Variants in ROBO1 observed in about 807,000 individuals in gnomAD.
ROBO1 encodes the protein roundabout homolog 1.
A neutral mutation model predicts 195.9 loss-of-function variants in ROBO1; 149 were observed. The observed-to-expected ratio is 0.76, with a 90% CI of 0.67 to 0.87. The LOEUF (loss-of-function observed/expected upper bound fraction) is 0.87, where lower values mean the gene tolerates loss of function less well. Ranked by LOEUF, ROBO1 falls within the 40% of genes least tolerant of loss-of-function variation. The probability of loss-of-function intolerance (pLI) is 0.00; values close to 1 mark genes in which losing one functional copy is unlikely to be tolerated. For synonymous variants in ROBO1, 816 were observed against 733.2 expected, an observed-to-expected ratio of 1.11 and a Z score of -1.82; for missense variants, 1,933 against 2,068.3, an observed-to-expected ratio of 0.93 and a Z score of 1.27.
intron 18 of ROBO1, 135 bp from the exon 19 acceptor site, chr3:78,652,064 C>G: frequency 1.4e-6 from 1 of 698,220 alleles, no homozygotes; most frequent in Non-Finnish European, 2.4e-6. Flanking sequence ...TCACCATCAT[C>G]AAATAAAATA....
At chr3:78,740,470 C>A (rs1364408378) in intron 5 of ROBO1, among the ~76,000 whole-genome samples, 1 of 147,504 alleles carries the variant, frequency 6.8e-6, no homozygotes, top group African/African-American at 2.5e-5. Flanking sequence ...TTCTTTCTTT[C>A]TTTCTTTCTT....
chr3:78,994,673 A>G (rs1222930580), intron 3 of ROBO1, among the ~76,000 whole-genome samples: 3 of 152,158 alleles, frequency 2.0e-5, no homozygotes, highest in Admixed American at 1.3e-4. Flanking sequence ...CTCTGTACTC[A>G]TAATGGAAAG....
chr3:78,754,503 T>C (rs1024152044), intron 4 of ROBO1, among the ~76,000 whole-genome samples: 3 of 152,218 alleles, frequency 2.0e-5, no homozygotes, highest in Non-Finnish European at 4.4e-5. Context: ...TGCCTGGCTC[T>C]TTGTATCTGA....
chr3:78,973,787 G>A (rs778236915), intron 3 of ROBO1, among the ~76,000 whole-genome samples: 7 of 151,342 alleles, frequency 4.6e-5, no homozygotes, highest in South Asian at 2.1e-4. Context: ...CATAAATATC[G>A]CATATTTATC....
At chr3:79,432,509 T>C (rs1256631821) in intron 2 of ROBO1, among the ~76,000 whole-genome samples, 1 of 152,124 alleles carries the variant, frequency 6.6e-6, no homozygotes, top group Non-Finnish European at 1.5e-5. Flanking sequence ...GTCCTAATCA[T>C]GAGGCATTTA....
At chr3:79,529,475 T>TCAAA (rs775501138) in intron 2 of ROBO1, among the ~76,000 whole-genome samples, 1 of 152,180 alleles carries the variant, frequency 6.6e-6, no homozygotes, top group Non-Finnish European at 1.5e-5. Flanking sequence ...AGACCCTGTC[T>TCAAA]CAAACAAACA....
intron 4 of ROBO1, among the ~76,000 whole-genome samples, chr3:78,917,313 T>C (rs185346888): frequency 6.0e-4 from 91 of 152,178 alleles, no homozygotes; most frequent in Admixed American, 1.4e-3. Context: ...TCCAGGATGG[T>C]CTCGACCTCC....
intron 2 of ROBO1, among the ~76,000 whole-genome samples, chr3:79,165,135 A>G (rs991100165): frequency 6.6e-6 from 1 of 152,158 alleles, no homozygotes; most frequent in African/African-American, 2.4e-5. Flanking sequence ...TCATCAATGC[A>G]TCCTGAGAGC....
At chr3:78,875,149 C>T (rs1347897875) in intron 4 of ROBO1, among the ~76,000 whole-genome samples, 1 of 151,876 alleles carries the variant, frequency 6.6e-6, no homozygotes, top group Non-Finnish European at 1.5e-5. Context: ...TTCTGAAAAA[C>T]AAAATCAGAT....
At chr3:78,837,212 A>G (rs2032815686) in intron 4 of ROBO1, among the ~76,000 whole-genome samples, 1 of 152,174 alleles carries the variant, frequency 6.6e-6, no homozygotes, top group Non-Finnish European at 1.5e-5. Context: ...ATTGTTTTCA[A>G]TGTTGGATAT....
intron 29 of ROBO1, among the ~76,000 whole-genome samples, chr3:78,604,755 C>T (rs1703370908): frequency 6.6e-6 from 1 of 152,092 alleles, no homozygotes. Flanking sequence ...ATAAATACAA[C>T]AATACACTGA....
chr3:78,757,529 G>A (rs546957789), intron 4 of ROBO1, among the ~76,000 whole-genome samples: 1 of 152,062 alleles, frequency 6.6e-6, no homozygotes, highest in Non-Finnish European at 1.5e-5. Context: ...ATTAAAAGGA[G>A]TTTTCAAATT....
chr3:79,116,157 T>C (rs1326914230), intron 3 of ROBO1, among the ~76,000 whole-genome samples: 1 of 152,186 alleles, frequency 6.6e-6, no homozygotes, highest in Non-Finnish European at 1.5e-5. Context: ...CAGGATCCCC[T>C]GCAGATACCA....
intron 2 of ROBO1, among the ~76,000 whole-genome samples, chr3:79,272,431 A>G (rs1019040163): frequency 6.6e-6 from 1 of 152,082 alleles, no homozygotes; most frequent in Non-Finnish European, 1.5e-5. Context: ...ACACAGAAAA[A>G]AACACTTTCC....
chr3:78,668,848 GTAAGGCA>G (rs1310005753), intron 11 of ROBO1, among the ~76,000 whole-genome samples: 3 of 151,998 alleles, frequency 2.0e-5, no homozygotes, highest in Non-Finnish European at 4.4e-5. Context: ...AATTCCTAAG[GTAAGGCA>G]TACAATTCTT....
At chr3:78,960,254 A>G (rs2041267137) in intron 3 of ROBO1, among the ~76,000 whole-genome samples, 1 of 151,884 alleles carries the variant, frequency 6.6e-6, no homozygotes, top group Non-Finnish European at 1.5e-5. Flanking sequence ...TTAAAAATGA[A>G]TATCTGCAAA....
intron 2 of ROBO1, among the ~76,000 whole-genome samples, chr3:79,350,151 G>A (rs996552326): frequency 6.6e-6 from 1 of 152,174 alleles, no homozygotes; most frequent in African/African-American, 2.4e-5. Flanking sequence ...TTTCTCCAGA[G>A]AGGATATATA....
chr3:79,327,246 C>T (rs1472911780), intron 2 of ROBO1, among the ~76,000 whole-genome samples: 2 of 151,732 alleles, frequency 1.3e-5, no homozygotes, highest in South Asian at 2.1e-4. Context: ...AAATAAAATA[C>T]AAGAGACTGA....
At chr3:79,461,716 C>A (rs1416956376) in intron 2 of ROBO1, among the ~76,000 whole-genome samples, 4 of 152,070 alleles carry the variant, frequency 2.6e-5, no homozygotes, top group Admixed American at 6.6e-5. Context: ...CAATAAGTAA[C>A]CAGAAAACAG....
Sources: allele counts gnomAD v4.1 joint callset (sites outside exome capture counted in the v4.1 genomes callset), GRCh38; gene constraint gnomAD v4.1.1; transcripts MANE v1.5; gene names NCBI Gene and HGNC (gene_info 2026-07-23, HGNC 2026-07-21).